Variants in GLG1 observed in about 807,000 individuals in gnomAD.
GLG1 encodes Golgi apparatus protein 1.
In GLG1, 38 loss-of-function variants were observed where a neutral mutation model predicts 160.5. That is an observed-to-expected ratio of 0.24 (90% CI 0.18 to 0.31). The LOEUF (loss-of-function observed/expected upper bound fraction) is 0.31. Ranked by LOEUF, GLG1 falls within the 10% of genes least tolerant of loss-of-function variation. The pLI is 1.00. For synonymous variants in GLG1, 644 were observed against 543.4 expected, an observed-to-expected ratio of 1.19 and a Z score of -2.57; for missense variants, 1,373 against 1,505.2, an observed-to-expected ratio of 0.91 and a Z score of 1.45.
At chr16:74,528,325 T>G (rs903984608) in intron 2 of GLG1, among the ~76,000 whole-genome samples, 47 of 152,034 alleles carry the variant, frequency 3.1e-4, no homozygotes, top group African/African-American at 1.1e-3. Context: ...AAAGGGGTAT[T>G]TTTTGCTGGA....
At chr16:74,528,755 T>C (rs1468288580) in intron 2 of GLG1, among the ~76,000 whole-genome samples, 2 of 125,954 alleles carry the variant, frequency 1.6e-5, no homozygotes, top group Non-Finnish European at 3.1e-5. Flanking sequence ...GAAGTTTCAG[T>C]GAGCCGAGAT....
At chr16:74,512,335 C>G (rs987966788) in intron 2 of GLG1, among the ~76,000 whole-genome samples, 2 of 143,700 alleles carry the variant, frequency 1.4e-5, no homozygotes, top group African/African-American at 5.2e-5. Flanking sequence ...GTGATCTCGG[C>G]TCACTGCAAC....
At chr16:74,489,415 G>T (rs1343647025) in intron 8 of GLG1, among the ~76,000 whole-genome samples, 1 of 151,802 alleles carries the variant, frequency 6.6e-6, no homozygotes, top group African/African-American at 2.4e-5. Context: ...ATGCTGCTAT[G>T]AGCAGAGGTT....
chr16:74,598,093 G>T (rs561919958), intron 1 of GLG1, among the ~76,000 whole-genome samples: 1 of 152,064 alleles, frequency 6.6e-6, no homozygotes. Context: ...ATGAGATAAC[G>T]CCTAGAAAGC....
At chr16:74,567,576 T>C (rs1762574603) in intron 1 of GLG1, among the ~76,000 whole-genome samples, 1 of 143,244 alleles carries the variant, frequency 7.0e-6, no homozygotes, top group Non-Finnish European at 1.5e-5. Context: ...TTTTTTTTTT[T>C]TTTGAGACGG....
chr16:74,545,515 A>G (rs1751787311), intron 1 of GLG1, among the ~76,000 whole-genome samples: 1 of 152,338 alleles, frequency 6.6e-6, no homozygotes, highest in East Asian at 1.9e-4. Context: ...CCAGAAAAGT[A>G]TGTGTGGAAT....
chr16:74,516,065 G>C (rs1226600959), intron 2 of GLG1, among the ~76,000 whole-genome samples: 1 of 151,624 alleles, frequency 6.6e-6, no homozygotes, highest in East Asian at 1.9e-4. Context: ...CAAGTTCTTA[G>C]AGACCTACAA....
At chr16:74,555,368 T>C (rs1189586370) in intron 1 of GLG1, among the ~76,000 whole-genome samples, 5 of 152,176 alleles carry the variant, frequency 3.3e-5, no homozygotes, top group Non-Finnish European at 5.9e-5. Context: ...TTCCTTGACA[T>C]TGTCAACTCC....
rs574652236 is a variant in GLG1, at chr16:74,488,841, ACTCCTGAC to A, written c.1449+2152_1449+2159del. ...ACCATGTTGGCCAGGCTGGTCATGA[ACTCCTGAC>A]CTCAAGTGATCTGCCTGCCTTGGCC... On this transcript the variant is annotated intron_variant, in intron 8 of 25. Coordinates refer to ENST00000422840, the MANE Select transcript of GLG1 (RefSeq NM_001145667.2). Among the ~76,000 whole-genome samples the A allele has an allele frequency of 1.5e-3, 222 of 151,898 alleles. 1 individual carries two copies. The South Asian group carries it at 0.016, about 11-fold the overall frequency.
intron 24 of GLG1, 110 bp from the exon 25 acceptor site, chr16:74,456,865 G>T: frequency 2.8e-6 from 2 of 725,340 alleles, no homozygotes; most frequent in Non-Finnish European, 4.9e-6. Context: ...AGATCTGCAG[G>T]CTCAACAAAG....
intron 9 of GLG1, among the ~76,000 whole-genome samples, chr16:74,483,647 T>A (rs909384442): frequency 2.6e-5 from 4 of 151,974 alleles, no homozygotes; most frequent in African/African-American, 9.7e-5. Context: ...TCAAATATTT[T>A]CCTTTCTTTT....
chr16:74,462,656 G>T (rs1464463821), intron 20 of GLG1, 26 bp from the exon 21 acceptor site: 2 of 1,611,606 alleles, frequency 1.2e-6, no homozygotes, highest in South Asian at 1.1e-5. Flanking sequence ...GTGAGCATGT[G>T]ACAAAACATT....
intron 20 of GLG1, 182 bp downstream of exon 20, chr16:74,463,174 C>A: frequency 1.7e-6 from 1 of 605,554 alleles, no homozygotes; most frequent in African/African-American, 1.9e-5. Flanking sequence ...CTCCTCTCTC[C>A]CCTGACTCTC....
At position 74,474,691 on chromosome 16, in the gene GLG1, G is replaced by A. The variant is rs546970815; in HGVS notation, c.1966-59C>T. ...CAGTCACATACATGAACAAGGCAAG[G>A]GGAGATATCAGCGTCATGACACTTC... On this transcript the variant is annotated intron_variant, in intron 12 of 25. Coordinates refer to ENST00000422840, the MANE Select transcript of GLG1 (RefSeq NM_001145667.2). The A allele has an allele frequency of 1.5e-3, 1,240 of 827,916 alleles. 8 individuals carry two copies. The highest frequency in any genetic ancestry group is 8.6e-4 in the Non-Finnish European group (396 of 462,150). The allele number at this position is 827,916 out of a possible 1,614,324, so 51.3% of individuals were successfully genotyped here. A position where few individuals can be genotyped will look rare whatever the true frequency, so the allele number is the denominator to read the frequency against.
intron 1 of GLG1, among the ~76,000 whole-genome samples, chr16:74,558,258 TG>T (rs758257780): frequency 6.6e-6 from 1 of 152,214 alleles, no homozygotes; most frequent in Non-Finnish European, 1.5e-5. Flanking sequence ...ACCACATTGA[TG>T]CATCTCTGTG....
intron 1 of GLG1, among the ~76,000 whole-genome samples, chr16:74,537,608 C>T (rs1348247410): frequency 7.0e-6 from 1 of 143,374 alleles, no homozygotes; most frequent in African/African-American, 2.6e-5. Flanking sequence ...CAGCTATCAC[C>T]ATCTCAAAAA....
At chr16:74,459,883 C>A in intron 22 of GLG1, 94 bp from the exon 23 acceptor site, 1 of 643,972 alleles carries the variant, frequency 1.6e-6, no homozygotes, top group South Asian at 2.2e-5. Flanking sequence ...TGAAACAGAG[C>A]CAAGCTCTGT....
rs1394165676 is a variant in GLG1 at position 74,480,958 on chromosome 16, T to G, written c.1674-564A>C. The stretch of plus-strand genomic sequence containing the variant: ...TTAACCTTCTACAGAAGATTTAAAG[T>G]CTCTCTCAAAGATATCTTGGCTTTG... On this transcript the variant is annotated intron_variant, in intron 10 of 25. Coordinates refer to ENST00000422840, the MANE Select transcript of GLG1 (RefSeq NM_001145667.2). 2.0e-5 allele frequency among the ~76,000 whole-genome samples: 3 copies of G among 152,172 alleles called. No individual in the cohort carries two copies. In the East Asian group the frequency reaches 5.8e-4, roughly 29 times the overall value.
chr16:74,508,604 T>C (rs2016695797), intron 3 of GLG1, among the ~76,000 whole-genome samples: 1 of 152,184 alleles, frequency 6.6e-6, no homozygotes, highest in African/African-American at 2.4e-5. Context: ...ACTTGCTGTT[T>C]TGAGACCAAT....
Sources: allele counts gnomAD v4.1 joint callset (sites outside exome capture counted in the v4.1 genomes callset), GRCh38; gene constraint gnomAD v4.1.1; transcripts MANE v1.5; gene names NCBI Gene and HGNC (gene_info 2026-07-23, HGNC 2026-07-21).